MACROH2A2: variants seen among roughly 807,000 people sequenced by gnomAD.
MACROH2A2 encodes the protein core histone macro-H2A.2.
A neutral mutation model predicts 37.6 loss-of-function variants in MACROH2A2; 6 were observed. The ratio of observed to expected loss-of-function variants is 0.16; its 90% CI spans 0.09 to 0.32. MACROH2A2 has a LOEUF of 0.32. Ranked by LOEUF, MACROH2A2 falls within the 10% of genes least tolerant of loss-of-function variation. The pLI is 1.00. For synonymous variants in MACROH2A2, 192 were observed against 202.7 expected (o/e 0.95, Z 0.45); for missense variants, 290 against 485.9 (o/e 0.60, Z 3.79).
chr10:70,100,836 C>T (rs2072302799), intron 7 of MACROH2A2, among the ~76,000 whole-genome samples: 1 of 152,122 alleles, frequency 6.6e-6, no homozygotes, highest in African/African-American at 2.4e-5. Flanking sequence ...AGGCTGGTCT[C>T]AAAGTCCTAA....
At chr10:70,087,687 C>T (rs1172564275) in intron 2 of MACROH2A2, among the ~76,000 whole-genome samples, 1 of 152,182 alleles carries the variant, frequency 6.6e-6, no homozygotes, top group Non-Finnish European at 1.5e-5. Context: ...AATACCCTAT[C>T]CCACTGTCCC....
chr10:70,109,303 G>T, intron 8 of MACROH2A2, 96 bp downstream of exon 8: 1 of 997,798 alleles, frequency 1.0e-6, no homozygotes, highest in Non-Finnish European at 1.6e-6. Flanking sequence ...GCCAAGGGCT[G>T]CCAGCACAGC....
intron 6 of MACROH2A2, among the ~76,000 whole-genome samples, chr10:70,099,909 A>T (rs41307516): frequency 0.059 from 8,970 of 152,214 alleles, 276 homozygotes; most frequent in African/African-American, 0.071. Context: ...CACTAGAATC[A>T]CAGTTTTTTG....
chr10:70,083,657 A>G (rs774453453), intron 2 of MACROH2A2, among the ~76,000 whole-genome samples: 22 of 151,688 alleles, frequency 1.5e-4, no homozygotes, highest in Non-Finnish European at 2.4e-4. Flanking sequence ...ACCTGATTCT[A>G]TGGACTGACT....
rs529138476 is a variant in MACROH2A2, at chr10:70,053,409, G to A, written c.-60+409G>A. Among the ~76,000 whole-genome samples, 174 of 151,942 alleles carry A rather than the reference G, an allele frequency of 1.1e-3. No homozygotes were observed. The highest frequency in any genetic ancestry group is 3.9e-3 in the African/African-American group (163 of 41,478). On this transcript the variant is annotated intron_variant, in intron 1 of 8. Transcript: ENST00000373255. The surrounding 1 kb of genome is among the most constrained non-coding windows in gnomAD (Gnocchi z 4.8). ...AGGACGGAGGCGCCCGGCCGCCGAT[G>A]GGCACGGGGCGATGGGTGGGGGGCT...
intron 5 of MACROH2A2, 37 bp downstream of exon 5, chr10:70,093,882 C>G (rs1412560949): frequency 9.2e-7 from 1 of 1,090,846 alleles, no homozygotes; most frequent in African/African-American, 1.5e-5. Flanking sequence ...TATTAAAACA[C>G]CACTGTATTT....
chr10:70,065,565 G>A (rs947452434), intron 1 of MACROH2A2, among the ~76,000 whole-genome samples: 2 of 152,104 alleles, frequency 1.3e-5, no homozygotes, highest in Non-Finnish European at 2.9e-5. Flanking sequence ...AAGACATGGT[G>A]CATTCATTAA....
chr10:70,095,283 G>T (rs2072268183), intron 5 of MACROH2A2, among the ~76,000 whole-genome samples: 1 of 151,898 alleles, frequency 6.6e-6, no homozygotes, highest in African/African-American at 2.4e-5. Context: ...CAGGAGAATG[G>T]CGTGAACCTG....
In MACROH2A2 at chr10:70,091,759, G is replaced by A. The variant is rs772104590; in HGVS notation, c.282G>A (p.Leu94=). 1 of 1,612,744 alleles carries A rather than the reference G, an allele frequency of 6.2e-7. No individual in the cohort carries two copies. Among genetic ancestry groups the A allele is most frequent in the Admixed American group, 1.7e-5 (1 of 59,998 alleles). The change falls in exon 4 of 9, where the codon CTG becomes CTA. Residue 94 remains leucine, a splice_region_variant and synonymous_variant. Coordinates refer to ENST00000373255, the MANE Select transcript of MACROH2A2 (RefSeq NM_018649.3). ...AGCGCATGCATTTCTCTCTTCAGCT[G>A]CTAAAAGGAGTGACCATCGCCAGTG... ...AVANDEELNQ[L]LKGVTIASGG...
At chr10:70,109,312 G>A (rs1032704680) in intron 8 of MACROH2A2, 105 bp downstream of exon 8, 2 of 924,500 alleles carry the variant, frequency 2.2e-6, no homozygotes, top group Non-Finnish European at 3.4e-6. Context: ...TGCCAGCACA[G>A]CCAAGTATGC....
rs887629564 is a variant in MACROH2A2, at chr10:70,053,486, G to T, written c.-60+486G>T. ...GGGCCGCTCGGGGGCCTCTGAAGGT[G>T]CCCGGGCAGGGCGCCGGCGGCTCCA... On this transcript the variant is annotated intron_variant, in intron 1 of 8. Transcript: ENST00000373255. This position sits in a 1 kb window ranked among gnomAD's most constrained non-coding sequence, Gnocchi z 4.8. Among the ~76,000 whole-genome samples, 1 of 151,922 alleles carries T rather than the reference G, an allele frequency of 6.6e-6. No individual in the cohort carries two copies. Among genetic ancestry groups the T allele is most frequent in the Non-Finnish European group, 1.5e-5 (1 of 67,938 alleles).
At chr10:70,111,023 C>T (rs2072369366) in intron 8 of MACROH2A2, among the ~76,000 whole-genome samples, 1 of 152,208 alleles carries the variant, frequency 6.6e-6, no homozygotes. Context: ...AATCCCAGCA[C>T]TTTGGGAGGC....
chr10:70,056,007 A>G (rs1023164231), intron 1 of MACROH2A2, among the ~76,000 whole-genome samples: 1 of 152,242 alleles, frequency 6.6e-6, no homozygotes, highest in African/African-American at 2.4e-5. Flanking sequence ...ATGTACTATT[A>G]ATGAAAAAAG....
intron 1 of MACROH2A2, among the ~76,000 whole-genome samples, chr10:70,072,767 G>A (rs1488620084): frequency 6.6e-6 from 1 of 151,980 alleles, no homozygotes; most frequent in Non-Finnish European, 1.5e-5. Context: ...GACCACCCTG[G>A]CCAACATGGT....
intron 2 of MACROH2A2, among the ~76,000 whole-genome samples, chr10:70,085,473 G>T (rs2072205508): frequency 6.6e-6 from 1 of 152,084 alleles, no homozygotes; most frequent in African/African-American, 2.4e-5. Context: ...AGGAAGAAAG[G>T]GCCTGGCAAG....
intron 2 of MACROH2A2, among the ~76,000 whole-genome samples, chr10:70,089,571 A>G (rs751931689): frequency 6.6e-6 from 1 of 152,124 alleles, no homozygotes; most frequent in Non-Finnish European, 1.5e-5. Flanking sequence ...AGGGAAATAT[A>G]GTTTTCCTGC....
chr10:70,106,809 A>C (rs1251995305), intron 7 of MACROH2A2, among the ~76,000 whole-genome samples: 1 of 151,870 alleles, frequency 6.6e-6, no homozygotes, highest in Non-Finnish European at 1.5e-5. Context: ...TCTCAAAAAA[A>C]AAAAAAAAAA....
chr10:70,097,441 C>T (rs1055722922), intron 6 of MACROH2A2, among the ~76,000 whole-genome samples: 1 of 152,166 alleles, frequency 6.6e-6, no homozygotes, highest in Non-Finnish European at 1.5e-5. Flanking sequence ...CCTCCCATTA[C>T]GATTCCATTT....
chr10:70,101,839 C>T (rs1282680996), intron 7 of MACROH2A2, among the ~76,000 whole-genome samples: 1 of 152,236 alleles, frequency 6.6e-6, no homozygotes, highest in East Asian at 1.9e-4. Context: ...TATTCCTTTT[C>T]ATGGCTGAAT....
Sources: allele counts gnomAD v4.1 joint callset (sites outside exome capture counted in the v4.1 genomes callset), GRCh38; gene constraint gnomAD v4.1.1; non-coding constraint Gnocchi (gnomAD v3.1); transcripts MANE v1.5; gene names NCBI Gene and HGNC (gene_info 2026-07-23, HGNC 2026-07-21).